The following METTL16 variants were observed in gnomAD, a reference collection of about 807,000 sequenced individuals.
The protein encoded by METTL16 is RNA N(6)-adenosine-methyltransferase METTL16.
Under a neutral mutation model 57.9 loss-of-function variants are expected in METTL16, and 19 were observed. That is an observed-to-expected ratio of 0.33 (90% CI 0.23 to 0.48). The LOEUF (loss-of-function observed/expected upper bound fraction) is 0.48. Ranked by LOEUF, METTL16 falls within the 20% of genes least tolerant of loss-of-function variation. The probability of loss-of-function intolerance (pLI) is 0.99; values close to 1 mark genes in which losing one functional copy is unlikely to be tolerated. For synonymous variants in METTL16, 246 were observed against 255.6 expected (o/e 0.96, Z 0.36); for missense variants, 434 against 691.5 (o/e 0.63, Z 4.18).
At chr17:2,492,821 CCAGGAGG>C (rs1861708855) in intron 2 of METTL16, among the ~76,000 whole-genome samples, 1 of 146,828 alleles carries the variant, frequency 6.8e-6, no homozygotes, top group Admixed American at 7.0e-5. Flanking sequence ...TGCTTGAACC[CCAGGAGG>C]CAGAGGTTGC....
intron 5 of METTL16, among the ~76,000 whole-genome samples, chr17:2,466,204 A>C (rs1292804300): frequency 0.011 from 1,596 of 151,866 alleles, 37 homozygotes; most frequent in African/African-American, 0.03. Context: ...AAAAAAAAAA[A>C]AAAAAAAAGC....
rs142263160 is a variant in METTL16, at chr17:2,422,033, C to T, written c.889-1129G>A. On this transcript the variant is annotated intron_variant, in intron 8 of 9. Transcript: ENST00000263092. ...CACTTTAAAAACCAATGGCACCTGC[C>T]GGGCGCGGTGGCTCATGCTTGTAAT... Among the ~76,000 whole-genome samples, 275 of 152,212 alleles carry T rather than the reference C, an allele frequency of 1.8e-3. 1 individual carries two copies. The highest frequency in any genetic ancestry group is 5.8e-3 in the African/African-American group (242 of 41,540).
chr17:2,463,911 G>C (rs2067171660), intron 6 of METTL16, among the ~76,000 whole-genome samples: 1 of 151,976 alleles, frequency 6.6e-6, no homozygotes, highest in African/African-American at 2.4e-5. Flanking sequence ...CAGATCACCT[G>C]AGGCTAGGAG....
At chr17:2,421,015 G>A (rs2066761686) in intron 8 of METTL16, 111 bp from the exon 9 acceptor site, 1 of 1,207,718 alleles carries the variant, frequency 8.3e-7, no homozygotes, top group South Asian at 1.4e-5. Flanking sequence ...ACCAATCATA[G>A]AGCACTGAAA....
intron 1 of METTL16, among the ~76,000 whole-genome samples, chr17:2,504,623 A>G (rs1010432932): frequency 1.3e-5 from 2 of 152,168 alleles, no homozygotes; most frequent in African/African-American, 4.8e-5. Flanking sequence ...TAGCACAATC[A>G]TACCTCACTG....
intron 8 of METTL16, 149 bp from the exon 9 acceptor site, chr17:2,421,053 C>A: frequency 1.1e-6 from 1 of 877,690 alleles, no homozygotes; most frequent in Non-Finnish European, 1.7e-6. Flanking sequence ...TGTGTTATGT[C>A]CAGCACTTAA....
At chr17:2,476,577 A>G (rs534995387) in intron 3 of METTL16, among the ~76,000 whole-genome samples, 13 of 152,368 alleles carry the variant, frequency 8.5e-5, no homozygotes, top group African/African-American at 3.1e-4. Context: ...AAGATCATGT[A>G]GGATGAGGGC....
chr17:2,425,325 C>T (rs960003675), intron 8 of METTL16, among the ~76,000 whole-genome samples: 3 of 152,268 alleles, frequency 2.0e-5, no homozygotes, highest in Non-Finnish European at 4.4e-5. Flanking sequence ...GCAGGCAAGG[C>T]GTACATAAAT....
chr17:2,503,025 G>A (rs760167686), intron 1 of METTL16, among the ~76,000 whole-genome samples: 9 of 152,174 alleles, frequency 5.9e-5, no homozygotes, highest in Non-Finnish European at 7.3e-5. Context: ...AGCTGCTGTC[G>A]AAAAACGCTT....
chr17:2,503,675 T>C (rs1469092355), intron 1 of METTL16, among the ~76,000 whole-genome samples: 1 of 151,976 alleles, frequency 6.6e-6, no homozygotes, highest in East Asian at 1.9e-4. Flanking sequence ...CAAAAGATGG[T>C]ATATCCATAC....
Position 2,511,780 on chromosome 17 carries a change from C to A in METTL16, c.-22G>T. ...CCACCTCTGAGGCCGAGGTTCCTGC[C>A]AGACGTCGTGTCTGGCGTGGGCCTG... is the stretch of plus-strand genomic sequence containing the variant. On this transcript the variant is annotated 5_prime_UTR_variant, in exon 1 of 10. Coordinates refer to ENST00000263092, the MANE Select transcript of METTL16 (RefSeq NM_024086.4). 1 of 398,598 alleles carries A rather than the reference C, an allele frequency of 2.5e-6. No homozygotes were observed. The highest frequency in any genetic ancestry group is 1.3e-4 in the South Asian group (1 of 7,834). The allele number at this position is 398,598 out of a possible 1,614,324, so 24.7% of individuals were successfully genotyped here.
At chr17:2,436,120 T>G (rs1179753160) in intron 8 of METTL16, among the ~76,000 whole-genome samples, 1 of 152,118 alleles carries the variant, frequency 6.6e-6, no homozygotes, top group African/African-American at 2.4e-5. Context: ...CAGTTCCAGT[T>G]TGCTGCAGCT....
intron 8 of METTL16, among the ~76,000 whole-genome samples, chr17:2,422,179 G>A (rs2066771301): frequency 1.3e-5 from 2 of 151,870 alleles, no homozygotes; most frequent in African/African-American, 2.4e-5. Flanking sequence ...GGGCATGGGG[G>A]CACGCACCTA....
chr17:2,447,013 A>AG (rs1228664913), intron 6 of METTL16, among the ~76,000 whole-genome samples: 6 of 150,324 alleles, frequency 4.0e-5, no homozygotes, highest in Non-Finnish European at 7.4e-5. Context: ...CCCGTCTGGG[A>AG]AGTGAGGAGC....
intron 2 of METTL16, among the ~76,000 whole-genome samples, chr17:2,499,306 GAAAC>G (rs1295089745): frequency 4.6e-5 from 7 of 150,648 alleles, no homozygotes; most frequent in East Asian, 1.9e-4. Flanking sequence ...GTATAGAGAG[GAAAC>G]AAACAATGAC....
rs746182229 is a variant in METTL16 at position 2,502,281 on chromosome 17, A to G, written c.51T>C (p.Pro17=). Residue 17 remains proline (P), a synonymous_variant, in exon 2 of 10, where the codon CCT becomes CCC. Coordinates refer to ENST00000263092, the MANE Select transcript of METTL16 (RefSeq NM_024086.4). The part of the protein sequence containing the change: ...MHARNRYKDK[P]PDFAYLASKY... ...TGGATGCCAGATATGCAAAGTCAGG[A>G]GGTTTGTCCTTGTATCTATTTCTTG... 1.2e-6 allele frequency: 2 copies of G among 1,613,962 alleles called. No homozygotes were observed. Among genetic ancestry groups the G allele is most frequent in the Non-Finnish European group, 1.7e-6 (2 of 1,179,900 alleles).
In METTL16 at chr17:2,471,999, A is replaced by T. The variant is rs565196200; in HGVS notation, c.469+1525T>A. ...CGTGGTGGCAGGCGCCTGTCATCTCAGCTACTTAGGAGGCTGAAGCAGGAG... is the reference window on the plus strand; with the variant it reads ...CGTGGTGGCAGGCGCCTGTCATCTCTGCTACTTAGGAGGCTGAAGCAGGAG... On this transcript the variant is annotated intron_variant, in intron 4 of 9. Coordinates refer to ENST00000263092, the MANE Select transcript of METTL16 (RefSeq NM_024086.4). Among the ~76,000 whole-genome samples the T allele has an allele frequency of 1.6e-3, 237 of 152,084 alleles. 1 individual carries two copies. The highest frequency in any genetic ancestry group is 5.6e-3 in the African/African-American group (232 of 41,496).
rs1193446554 is a variant in METTL16 at position 2,428,606 on chromosome 17, T to A, written c.889-7702A>T. Among the ~76,000 whole-genome samples, 22 of 64,422 alleles carry A rather than the reference T, an allele frequency of 3.4e-4. 1 individual carries two copies. Among genetic ancestry groups the A allele is most frequent in the Admixed American group, 8.2e-4 (4 of 4,862 alleles). 42.3% of individuals were successfully genotyped at this position (64,422 alleles called of 152,430 possible). The stretch of plus-strand genomic sequence containing the variant: ...ATATATATATATATATATATATAAA[T>A]TGTAATACAGCGGGGCACAGTGGCT... On this transcript the variant is annotated intron_variant, in intron 8 of 9. Coordinates refer to ENST00000263092, the MANE Select transcript of METTL16 (RefSeq NM_024086.4).
intron 2 of METTL16, among the ~76,000 whole-genome samples, chr17:2,499,224 C>A (rs1354385482): frequency 3.3e-5 from 5 of 151,330 alleles, no homozygotes; most frequent in Non-Finnish European, 7.4e-5. Flanking sequence ...TTTTTTAAGG[C>A]TTTCCTAGAA....
Sources: gnomAD v4.1 joint callset for allele counts (sites outside exome capture counted in the v4.1 genomes callset) on GRCh38, gnomAD v4.1.1 for gene constraint, MANE v1.5 for transcripts, NCBI Gene and HGNC (gene_info 2026-07-23, HGNC 2026-07-21) for gene names.